The following TECR variants were observed in gnomAD, a reference collection of about 807,000 sequenced individuals.
The protein encoded by TECR is trans-2,3-enoyl-CoA reductase.
Under a neutral mutation model 50.6 loss-of-function variants are expected in TECR, and 19 were observed. That is an observed-to-expected ratio of 0.38 (90% CI 0.26 to 0.55). The LOEUF (loss-of-function observed/expected upper bound fraction) is 0.55. Ranked by LOEUF, TECR falls within the 20% of genes least tolerant of loss-of-function variation. The probability of loss-of-function intolerance (pLI) is 0.79; values close to 1 mark genes in which losing one functional copy is unlikely to be tolerated. For synonymous variants in TECR, 168 were observed against 163.5 expected (o/e 1.03, Z -0.21); for missense variants, 313 against 408.3 (o/e 0.77, Z 2.01).
intron 1 of TECR, among the ~76,000 whole-genome samples, chr19:14,558,569 A>G (rs1212846699): frequency 6.6e-6 from 1 of 152,146 alleles, no homozygotes; most frequent in Non-Finnish European, 1.5e-5. Flanking sequence ...ACAGAGCCAC[A>G]GGCCGGCAGA....
intron 1 of TECR, among the ~76,000 whole-genome samples, chr19:14,534,971 C>A (rs527734602): frequency 4.9e-4 from 74 of 152,204 alleles, no homozygotes; most frequent in African/African-American, 1.3e-3. Context: ...ACAGAGCATC[C>A]CTGAAGGGAG....
chr19:14,559,923 G>A (rs2073853460), intron 1 of TECR, among the ~76,000 whole-genome samples: 1 of 152,222 alleles, frequency 6.6e-6, no homozygotes, highest in Non-Finnish European at 1.5e-5. Context: ...CAGGAAATGG[G>A]AGACGGACGG....
intron 1 of TECR, among the ~76,000 whole-genome samples, chr19:14,557,438 G>A (rs930784732): frequency 4.0e-5 from 6 of 149,680 alleles, no homozygotes; most frequent in Middle Eastern, 3.4e-3. Flanking sequence ...ATAGTGCCCC[G>A]CCTAATCATA....
rs549148705 is a variant in TECR at position 14,555,411 on chromosome 19, G to A, written c.16-7114G>A. On this transcript the variant is annotated intron_variant, in intron 1 of 12. Coordinates refer to ENST00000215567, the MANE Select transcript of TECR (RefSeq NM_138501.6). ...TTACAGGTGCCCACTGCCATGCCCA[G>A]CAAATTTTTTTGTATTTTTATTTAT... Among the ~76,000 whole-genome samples the A allele has an allele frequency of 9.2e-4, 132 of 142,800 alleles. 1 individual carries two copies. Among genetic ancestry groups the A allele is most frequent in the African/African-American group, 3.2e-3 (124 of 38,530 alleles). The allele number at this position is 142,800 out of a possible 152,430, so 93.7% of individuals were successfully genotyped here. A position where few individuals can be genotyped will look rare whatever the true frequency, so the allele number is the denominator to read the frequency against.
intron 1 of TECR, among the ~76,000 whole-genome samples, chr19:14,549,484 C>T (rs147089892): frequency 2.0e-3 from 300 of 152,058 alleles, no homozygotes; most frequent in African/African-American, 6.7e-3. Context: ...CCCCCTAACC[C>T]GGCTAAGTTT....
upstream of TECR, chr19:14,529,467 C>A (rs971620708): frequency 9.1e-6 from 6 of 661,328 alleles, no homozygotes; most frequent in Non-Finnish European, 1.4e-5. Context: ...TTGGTCAATC[C>A]CCTGGTGCTA....
At chr19:14,529,584 G>A (rs886959752), upstream of TECR, 2 of 1,535,710 alleles carry the variant, frequency 1.3e-6, no homozygotes, top group Middle Eastern at 2.0e-4. Context: ...CGGGGCGGAC[G>A]CAGAGCCGCG....
intron 1 of TECR, among the ~76,000 whole-genome samples, chr19:14,542,477 T>C (rs2073139135): frequency 6.7e-6 from 1 of 148,162 alleles, no homozygotes; most frequent in Non-Finnish European, 1.5e-5. Context: ...TTCTCCTGCC[T>C]CAGCCTCCTG....
intron 1 of TECR, among the ~76,000 whole-genome samples, chr19:14,541,378 T>C (rs2098699861): frequency 6.6e-6 from 1 of 152,094 alleles, no homozygotes; most frequent in Non-Finnish European, 1.5e-5. Flanking sequence ...ACAGCGGCCC[T>C]TCTGAGATGG....
chr19:14,534,293 T>TTATTTTTTA, intron 1 of TECR, among the ~76,000 whole-genome samples: 1 of 128,260 alleles, frequency 7.8e-6, no homozygotes, highest in African/African-American at 2.6e-5. Context: ...CCTGGCTAAT[T>TTATTTTTTA]TTTTGTATTT....
chr19:14,549,947 A>C (rs377355096), intron 1 of TECR, among the ~76,000 whole-genome samples: 3 of 151,096 alleles, frequency 2.0e-5, no homozygotes, highest in African/African-American at 4.9e-5. Context: ...TGTCTCAAAA[A>C]AAAAAATAAA....
intron 1 of TECR, among the ~76,000 whole-genome samples, chr19:14,553,133 C>A (rs1013471351): frequency 2.0e-5 from 3 of 152,110 alleles, no homozygotes; most frequent in African/African-American, 7.2e-5. Context: ...GCTGCTCGCC[C>A]AAGCCAGGAG....
chr19:14,544,479 G>A (rs1292438912), intron 1 of TECR, among the ~76,000 whole-genome samples: 1 of 152,086 alleles, frequency 6.6e-6, no homozygotes, highest in Non-Finnish European at 1.5e-5. Context: ...GAGGATGCTT[G>A]CATGATCTCG....
At position 14,563,772 on chromosome 19, in the gene TECR, C is replaced by T. The variant is rs1398880788; in HGVS notation, c.164-28C>T. 1.9e-6 allele frequency: 3 copies of T among 1,612,478 alleles called. No homozygotes were observed. The highest frequency in any genetic ancestry group is 3.3e-5 in the Admixed American group (2 of 59,906). ...GGCAGTGGGAGAAGGCCCGGGTAGC[C>T]CCTGAGCCCTGGCCCGCCTCTCTGC... On this transcript the variant is annotated intron_variant, in intron 4 of 12. Coordinates refer to ENST00000215567, the MANE Select transcript of TECR (RefSeq NM_138501.6). The surrounding 1 kb of genome is among the most constrained non-coding windows in gnomAD (Gnocchi z 5.3).
At chr19:14,564,147 G>A in intron 6 of TECR, 35 bp from the exon 7 acceptor site, 1 of 1,606,160 alleles carries the variant, frequency 6.2e-7, no homozygotes, top group Non-Finnish European at 8.5e-7. Flanking sequence ...AGACCTGCCG[G>A]ACCAGCCCCA....
chr19:14,552,683 C>T (rs974197837), intron 1 of TECR, among the ~76,000 whole-genome samples: 14 of 151,154 alleles, frequency 9.3e-5, no homozygotes, highest in South Asian at 2.1e-4. Context: ...TACAGGCACC[C>T]GCCACCATGC....
intron 1 of TECR, among the ~76,000 whole-genome samples, chr19:14,556,708 G>A (rs1337023860): frequency 1.3e-5 from 2 of 152,164 alleles, no homozygotes; most frequent in Non-Finnish European, 2.9e-5. Flanking sequence ...CAGGGCCAGG[G>A]TTAAGGTCCC....
chr19:14,540,082 C>T (rs577215784), intron 1 of TECR, among the ~76,000 whole-genome samples: 12 of 143,104 alleles, frequency 8.4e-5, no homozygotes, highest in African/African-American at 2.6e-4. Flanking sequence ...TTTTTTGAGA[C>T]GGAGTCTCGC....
intron 1 of TECR, among the ~76,000 whole-genome samples, chr19:14,539,903 G>A (rs1253409162): frequency 1.3e-5 from 2 of 150,790 alleles, no homozygotes; most frequent in South Asian, 2.1e-4. Context: ...TTTCTGAGAC[G>A]GAGTCCTGCC....
Sources: allele counts gnomAD v4.1 joint callset (sites outside exome capture counted in the v4.1 genomes callset), GRCh38; gene constraint gnomAD v4.1.1; non-coding constraint Gnocchi (gnomAD v3.1); transcripts MANE v1.5; gene names NCBI Gene and HGNC (gene_info 2026-07-23, HGNC 2026-07-21).